ZNF559: variants seen among roughly 807,000 people sequenced by gnomAD.
The protein encoded by ZNF559 is putative protein product of Nbla00121.
Under a neutral mutation model 14.2 loss-of-function variants are expected in ZNF559, and 17 were observed. The observed-to-expected ratio is 1.20, with a 90% CI of 0.82 to 1.80. The LOEUF is 1.80. Among genes scored for constraint, ZNF559 ranks in the 40% most tolerant of loss-of-function variants. The pLI is 0.00. For missense variants in ZNF559, 740 were observed against 629.7 expected (o/e 1.18, Z -1.88); for synonymous variants, 244 against 212.4 (o/e 1.15, Z -1.29).
rs1422703392 is a variant in ZNF559, at chr19:9,342,423, G to GT, written c.973dup (p.Tyr325LeufsTer2). 16 of 1,614,074 alleles carry GT rather than the reference G, an allele frequency of 9.9e-6. No individual in the cohort carries two copies. Among genetic ancestry groups the GT allele is most frequent in the Non-Finnish European group, 1.3e-5 (15 of 1,180,004 alleles). ...TAAGGGTTCACACTGGAGAAAAACC[G>GT]TATGAGTGCAACAAATGTGGGAAAG... On this transcript the variant is annotated frameshift_variant, in exon 7 of 7. Transcript: ENST00000603380. LOFTEE classifies it low-confidence loss of function (END_TRUNC).
Position 9,342,236 on chromosome 19 carries a change from C to T in ZNF559, c.785C>T (p.Thr262Ile), listed in dbSNP as rs1376813042. The T allele has an allele frequency of 6.3e-7, 1 of 1,586,778 alleles. No homozygotes were observed. ...ESSYLTQHLR[T>I]HSRVLPIEHK... ...TCATATCTTACTCAACATTTAAGAA[C>T]TCATAGTAGAGTGTTACCTATAGAA... is the stretch of plus-strand genomic sequence containing the variant. The change falls in exon 7 of 7, where the codon ACT becomes ATT. Residue 262 changes from threonine (T) to isoleucine (I), a missense_variant. Transcript: ENST00000603380.
chr19:9,340,567 T>TTAAAAAAAAAA (rs1555730376), intron 5 of ZNF559, among the ~76,000 whole-genome samples: 1 of 75,788 alleles, frequency 1.3e-5, no homozygotes. Flanking sequence ...TCTCTGTCTC[T>TTAAAAAAAAAA]AAAAAAAAAA....
In ZNF559 at chr19:9,342,364, G is replaced by T. The variant is rs751038135; in HGVS notation, c.913G>T (p.Glu305Ter). 3.1e-6 allele frequency: 5 copies of T among 1,609,288 alleles called. No homozygotes were observed. The South Asian group carries it at 3.3e-5, about 11-fold the overall frequency. Residue 305 changes from glutamate (E) to a stop codon, truncating the protein, a stop_gained, in exon 7 of 7, where the codon GAA (glutamate) becomes TAA (stop). Transcript: ENST00000603380. LOFTEE classifies it low-confidence loss of function (END_TRUNC). ...KHYVCNECGK[E>*]FTCFSKLNIH... ...CTATGTTTGTAATGAATGTGGCAAA[G>T]AATTTACTTGTTTCTCAAAACTCAA...
chr19:9,323,790 A>T (rs752741228), upstream of ZNF559: 7 of 205,018 alleles, frequency 3.4e-5, no homozygotes, highest in Non-Finnish European at 5.9e-5. Context: ...GGAGGTGAGC[A>T]TGAAGTGGCC....
chr19:9,337,998 C>A (rs1429312576), intron 3 of ZNF559, 140 bp downstream of exon 3: 1 of 1,536,060 alleles, frequency 6.5e-7, no homozygotes, highest in Admixed American at 2.0e-5. Context: ...GGATGCTGGC[C>A]ATTGGTCTTT....
At chr19:9,341,051 T>A (rs2067552491) in intron 5 of ZNF559, 51 bp from the exon 6 acceptor site, 2 of 1,450,616 alleles carry the variant, frequency 1.4e-6, no homozygotes, top group Non-Finnish European at 1.9e-6. Flanking sequence ...AACACCCTTT[T>A]TAAAATCATT....
Position 9,324,189 on chromosome 19 carries a change from C to T in ZNF559, c.-245C>T, listed in dbSNP as rs1339232148. On this transcript the variant is annotated 5_prime_UTR_variant, in exon 1 of 7. In the 5' UTR this introduces an upstream ATG that the reference lacks. Transcript: ENST00000603380. ...TGTCTGCGTGGGCGCATGCGCATAA[C>T]GGCCGCCATCTTAACAGCGCGTTCC... 3.3e-6 allele frequency: 5 copies of T among 1,535,958 alleles called. No individual in the cohort carries two copies. The highest frequency in any genetic ancestry group is 2.7e-5 in the African/African-American group (2 of 73,042).
At chr19:9,324,669 C>G (rs772580825) in intron 1 of ZNF559, 26 bp from the exon 2 acceptor site, 2 of 1,482,836 alleles carry the variant, frequency 1.3e-6, no homozygotes, top group East Asian at 2.5e-5. Flanking sequence ...GTCTCCACAT[C>G]CAGCGTTGTG....
chr19:9,324,370 C>G (rs2066445860), intron 1 of ZNF559, 142 bp downstream of exon 1: 9 of 1,495,234 alleles, frequency 6.0e-6, no homozygotes, highest in Non-Finnish European at 8.0e-6. Context: ...TGGGCTCTCC[C>G]AAGTCGCGGC....
chr19:9,341,405 A>G, intron 6 of ZNF559: 1 of 751,774 alleles, frequency 1.3e-6, no homozygotes, highest in Non-Finnish European at 2.3e-6. Context: ...ACATTCCCAT[A>G]TGTATCTCAG....
chr19:9,336,636 T>G (rs1223887999), intron 2 of ZNF559, among the ~76,000 whole-genome samples: 3 of 152,166 alleles, frequency 2.0e-5, no homozygotes, highest in African/African-American at 7.2e-5. Flanking sequence ...ATTATCTGCT[T>G]AGCCCTTTAG....
chr19:9,341,705 A>T lies in ZNF559; in HGVS notation c.254A>T (p.His85Leu). Residue 85 changes from histidine (H) to leucine (L), a missense_variant, in exon 7 of 7, where the codon CAT becomes CTT. By Grantham distance (99) the His-to-Leu change is moderately conservative (BLOSUM62 -3). Coordinates refer to ENST00000603380, the MANE Select transcript of ZNF559 (RefSeq NM_032497.3). ...TSSVVEMERN[H>L]FGEELFDFNQ... is the part of the protein sequence containing the mutation. The stretch of plus-strand genomic sequence containing the variant: ...AATTTTCACCAACAGGAGAGAAACC[A>T]TTTTGGAGAGGAACTGTTTGACTTT... The T allele has an allele frequency of 6.3e-7, 1 of 1,597,600 alleles. No individual in the cohort carries two copies. The highest frequency in any genetic ancestry group is 8.5e-7 in the Non-Finnish European group (1 of 1,174,904).
chr19:9,337,477 C>T (rs2067302955), intron 2 of ZNF559, among the ~76,000 whole-genome samples: 1 of 152,186 alleles, frequency 6.6e-6, no homozygotes, highest in African/African-American at 2.4e-5. Flanking sequence ...GTTAACCTTT[C>T]CGTACATCAT....
intron 1 of ZNF559, 50 bp downstream of exon 1, chr19:9,324,278 G>A: frequency 6.5e-7 from 1 of 1,535,906 alleles, no homozygotes; most frequent in Non-Finnish European, 8.7e-7. Context: ...GTGCAGCCAC[G>A]CGAGAGTAGA....
At chr19:9,323,914 C>G, upstream of ZNF559, 2 of 553,994 alleles carry the variant, frequency 3.6e-6, no homozygotes, top group Non-Finnish European at 6.4e-6. Flanking sequence ...TCAACAAATC[C>G]CAGCTCTTGT....
At chr19:9,328,575 C>G (rs1007890227) in intron 2 of ZNF559, among the ~76,000 whole-genome samples, 19 of 151,874 alleles carry the variant, frequency 1.3e-4, no homozygotes, top group African/African-American at 4.6e-4. Context: ...CTGGTCTCAA[C>G]TCCTGACCTC....
At chr19:9,337,502 A>G (rs964936521) in intron 2 of ZNF559, among the ~76,000 whole-genome samples, 10 of 152,180 alleles carry the variant, frequency 6.6e-5, no homozygotes, top group African/African-American at 2.2e-4. Flanking sequence ...TGACGATCTC[A>G]TGGTCACGTT....
rs750936262 is a variant in ZNF559 at position 9,345,298 on chromosome 19, T to G, written c.*2230T>G. 3 of 152,222 alleles carry G rather than the reference T, an allele frequency of 2.0e-5. No homozygotes were observed. Among genetic ancestry groups the G allele is most frequent in the Middle Eastern group, 6.3e-3 (2 of 316 alleles). The allele number at this position is 152,222 out of a possible 1,614,324, so 9.4% of individuals were successfully genotyped here. ...TGCAGATTATTCTTTAAACATGTGC[T>G]TCTGTTTCTTTAAATAGTTAAGAGT... On this transcript the variant is annotated 3_prime_UTR_variant, in exon 7 of 7. Transcript: ENST00000603380.
Position 9,343,348 on chromosome 19 carries a change from G to C in ZNF559, c.*280G>C. On this transcript the variant is annotated 3_prime_UTR_variant, in exon 7 of 7. Transcript: ENST00000603380. ...CCTGTCGATGCTTACATCTTACTGAGTCTGTTTGAACTCATGCTGGAGAGA... is the reference window on the plus strand; with the variant it reads ...CCTGTCGATGCTTACATCTTACTGACTCTGTTTGAACTCATGCTGGAGAGA... 1 of 1,190,866 alleles carries C rather than the reference G, an allele frequency of 8.4e-7. No homozygotes were observed. Among genetic ancestry groups the C allele is most frequent in the Non-Finnish European group, 1.0e-6 (1 of 956,302 alleles). 73.8% of individuals were successfully genotyped at this position (1,190,866 alleles called of 1,614,324 possible).
Sources: gnomAD v4.1 joint callset for allele counts (sites outside exome capture counted in the v4.1 genomes callset) on GRCh38, gnomAD v4.1.1 for gene constraint, MANE v1.5 for transcripts, NCBI Gene and HGNC (gene_info 2026-07-23, HGNC 2026-07-21) for gene names.